HS2ST1: variants seen among roughly 807,000 people sequenced by gnomAD.
HS2ST1 encodes the protein 2-O-sulfotransferase.
Under a neutral mutation model 42.9 loss-of-function variants are expected in HS2ST1, and 18 were observed. That is an observed-to-expected ratio of 0.42 (90% CI 0.29 to 0.62). The LOEUF (loss-of-function observed/expected upper bound fraction) is 0.62. Among genes scored for constraint, HS2ST1 ranks in the 20% least tolerant of loss-of-function variants. The probability of loss-of-function intolerance (pLI) is 0.21; values close to 1 mark genes in which losing one functional copy is unlikely to be tolerated. For synonymous variants in HS2ST1, 146 were observed against 152.9 expected, an observed-to-expected ratio of 0.95 and a Z score of 0.33; for missense variants, 334 against 433.8, an observed-to-expected ratio of 0.77 and a Z score of 2.04.
chr1:87,049,427 C>G (rs959949392), intron 1 of HS2ST1, among the ~76,000 whole-genome samples: 3 of 151,980 alleles, frequency 2.0e-5, no homozygotes, highest in African/African-American at 7.2e-5. Context: ...GTATGTTTCC[C>G]TAAAAGCACT....
intron 1 of HS2ST1, among the ~76,000 whole-genome samples, chr1:86,918,095 T>C (rs1039250869): frequency 2.6e-5 from 4 of 152,212 alleles, no homozygotes; most frequent in Admixed American, 2.0e-4. Context: ...GTGGCTTTAA[T>C]ATACCTTGAT....
chr1:86,939,643 G>C (rs1230559616), intron 1 of HS2ST1, among the ~76,000 whole-genome samples: 1 of 152,166 alleles, frequency 6.6e-6, no homozygotes, highest in Non-Finnish European at 1.5e-5. Context: ...ATTGCCTTAG[G>C]GTGTGGCCTG....
intron 1 of HS2ST1, among the ~76,000 whole-genome samples, chr1:86,952,666 G>A (rs1234366424): frequency 2.0e-5 from 3 of 152,202 alleles, no homozygotes; most frequent in Non-Finnish European, 2.9e-5. Context: ...GTAACTAGGT[G>A]TGTTGTCAAT....
intron 1 of HS2ST1, among the ~76,000 whole-genome samples, chr1:86,940,157 A>T (rs190195075): frequency 1.3e-5 from 2 of 152,086 alleles, no homozygotes. Context: ...TGAGGTCAGG[A>T]GTTCAAAAGT....
At chr1:87,044,946 A>AC (rs1368651644) in intron 1 of HS2ST1, 1 of 1,584,082 alleles carries the variant, frequency 6.3e-7, no homozygotes, top group African/African-American at 1.4e-5. Context: ...TAATGCTATG[A>AC]CATCATCCAG....
intron 1 of HS2ST1, among the ~76,000 whole-genome samples, chr1:87,017,218 C>A (rs1649784861): frequency 1.3e-5 from 2 of 152,056 alleles, no homozygotes; most frequent in African/African-American, 4.8e-5. Context: ...CTCACTGCAA[C>A]CTCCGCCTCC....
At chr1:86,959,400 G>C (rs1201274445) in intron 1 of HS2ST1, among the ~76,000 whole-genome samples, 1 of 152,246 alleles carries the variant, frequency 6.6e-6, no homozygotes, top group African/African-American at 2.4e-5. Flanking sequence ...GCTCACGCCT[G>C]TAATCCCAGC....
At chr1:87,007,895 A>G (rs1156943128) in intron 1 of HS2ST1, among the ~76,000 whole-genome samples, 1 of 152,144 alleles carries the variant, frequency 6.6e-6, no homozygotes, top group Non-Finnish European at 1.5e-5. Context: ...CAACTGTGTA[A>G]TCTTAGTTTT....
chr1:87,040,800 A>G (rs1650500421), intron 1 of HS2ST1, among the ~76,000 whole-genome samples: 1 of 152,192 alleles, frequency 6.6e-6, no homozygotes, highest in South Asian at 2.1e-4. Context: ...GGGGGAAAAA[A>G]GCCAGTAGGC....
At position 87,106,371 on chromosome 1, in the gene HS2ST1, T is replaced by C. The variant is rs1652324086; in HGVS notation, c.*1675T>C. The C allele has an allele frequency of 6.6e-6, 1 of 152,250 alleles. No homozygotes were observed. The highest frequency in any genetic ancestry group is 6.6e-5 in the Admixed American group (1 of 15,256). 9.4% of individuals were successfully genotyped at this position (152,250 alleles called of 1,614,324 possible). A position where few individuals can be genotyped will look rare whatever the true frequency, so the allele number is the denominator to read the frequency against. On this transcript the variant is annotated 3_prime_UTR_variant, in exon 7 of 7. Coordinates refer to ENST00000370550, the MANE Select transcript of HS2ST1 (RefSeq NM_012262.4). ...TTAGCTGACTAGGGTCAGGGAAACTTTTCTCTTCAAATTTGAAAGCTGTTT... is the reference window on the plus strand; with the variant it reads ...TTAGCTGACTAGGGTCAGGGAAACTCTTCTCTTCAAATTTGAAAGCTGTTT...
chr1:86,937,277 T>C lies in HS2ST1; in HGVS notation c.124+22117T>C, dbSNP rs567925079. Among the ~76,000 whole-genome samples, 292 of 152,254 alleles carry C rather than the reference T, an allele frequency of 1.9e-3. 1 individual carries two copies. Among genetic ancestry groups the C allele is most frequent in the African/African-American group, 6.7e-3 (277 of 41,550 alleles). On this transcript the variant is annotated intron_variant, in intron 1 of 6. Transcript: ENST00000370550. ...CTTCCTCCCTCCTTCCTTCCAGAGG[T>C]ATTAATTAAGTATAGCCCCTATTGA...
At chr1:87,051,505 G>A (rs1650831126) in intron 1 of HS2ST1, among the ~76,000 whole-genome samples, 1 of 152,144 alleles carries the variant, frequency 6.6e-6, no homozygotes, top group Admixed American at 6.5e-5. Context: ...TTATTTTAAA[G>A]TAGATATTAA....
At chr1:87,098,188 T>C in intron 5 of HS2ST1, 6 of 1,087,000 alleles carry the variant, frequency 5.5e-6, no homozygotes, top group Non-Finnish European at 6.7e-6. Context: ...TTTGGTGTTA[T>C]GTTTTGCTGT....
At chr1:86,996,318 G>C (rs755085636) in intron 1 of HS2ST1, among the ~76,000 whole-genome samples, 1 of 151,840 alleles carries the variant, frequency 6.6e-6, no homozygotes, top group African/African-American at 2.4e-5. Flanking sequence ...GGCACATCCC[G>C]GTAATCCCAG....
intron 1 of HS2ST1, among the ~76,000 whole-genome samples, chr1:87,023,291 G>A (rs191424849): frequency 5.5e-4 from 83 of 152,094 alleles, no homozygotes; most frequent in African/African-American, 2.0e-3. Flanking sequence ...GTATTTACAA[G>A]GATATTCATT....
chr1:86,992,886 G>A (rs553065240), intron 1 of HS2ST1: 7 of 537,780 alleles, frequency 1.3e-5, no homozygotes, highest in African/African-American at 1.1e-4. Flanking sequence ...TGAAGGGGAA[G>A]ATTGTAGAAG....
chr1:87,102,686 T>A (rs927107983), intron 5 of HS2ST1, among the ~76,000 whole-genome samples: 1 of 152,254 alleles, frequency 6.6e-6, no homozygotes, highest in Non-Finnish European at 1.5e-5. Context: ...TTCTTTAGTA[T>A]GTTTCATAGA....
intron 1 of HS2ST1, among the ~76,000 whole-genome samples, chr1:86,964,940 A>G (rs906383749): frequency 6.6e-6 from 1 of 152,180 alleles, no homozygotes; most frequent in South Asian, 2.1e-4. Context: ...TCTAGTAGTC[A>G]TGGTAGATTT....
At chr1:87,079,865 A>C (rs968058474) in intron 2 of HS2ST1, among the ~76,000 whole-genome samples, 55 of 137,774 alleles carry the variant, frequency 4.0e-4, no homozygotes, top group African/African-American at 1.4e-3. Flanking sequence ...ACAACTCTAC[A>C]AAAAAAAAAA....
Sources: gnomAD v4.1 joint callset for allele counts (sites outside exome capture counted in the v4.1 genomes callset) on GRCh38, gnomAD v4.1.1 for gene constraint, MANE v1.5 for transcripts, NCBI Gene and HGNC (gene_info 2026-07-23, HGNC 2026-07-21) for gene names.